Variants in SPMIP2 observed in about 807,000 individuals in gnomAD.
SPMIP2 encodes protein SPMIP2.
the SPMIP2 span, among the ~76,000 whole-genome samples, chr4:158,936,789 T>C: frequency 6.6e-6 from 1 of 152,214 alleles, no homozygotes; most frequent in Non-Finnish European, 1.5e-5. Flanking sequence ...TTTAATCATA[T>C]TTTCCTCGCT....
chr4:159,018,416 C>A, the SPMIP2 span, among the ~76,000 whole-genome samples: 1 of 152,170 alleles, frequency 6.6e-6, no homozygotes. Context: ...TGACACAGTA[C>A]GAACCTGCCA....
the SPMIP2 span, among the ~76,000 whole-genome samples, chr4:159,071,917 G>C: frequency 1.3e-5 from 2 of 152,208 alleles, no homozygotes; most frequent in Non-Finnish European, 2.9e-5. Context: ...AGACCTGCAA[G>C]GTCCTGCTAG....
the SPMIP2 span, among the ~76,000 whole-genome samples, chr4:158,958,533 A>C: frequency 1.3e-5 from 2 of 152,222 alleles, no homozygotes; most frequent in Non-Finnish European, 2.9e-5. Flanking sequence ...TGGCTGGTTC[A>C]CCATGATGGC....
chr4:159,022,988 C>T, the SPMIP2 span, among the ~76,000 whole-genome samples: 1 of 151,584 alleles, frequency 6.6e-6, no homozygotes, highest in African/African-American at 2.4e-5. Flanking sequence ...CGAGATCATG[C>T]CACAACACTC....
chr4:158,973,012 G>T, the SPMIP2 span: 1 of 1,055,860 alleles, frequency 9.5e-7, no homozygotes, highest in Non-Finnish European at 1.4e-6. Context: ...TCCTTTGGAA[G>T]CAAATTCATA....
chr4:158,982,038 A>G, the SPMIP2 span, among the ~76,000 whole-genome samples: 1 of 151,530 alleles, frequency 6.6e-6, no homozygotes, highest in African/African-American at 2.4e-5. Context: ...GAATATTTAC[A>G]AAGTGGAAAC....
chr4:159,058,212 TGTTA>T, the SPMIP2 span, among the ~76,000 whole-genome samples: 2 of 151,530 alleles, frequency 1.3e-5, no homozygotes, highest in Non-Finnish European at 2.9e-5. Context: ...TTAAAATTCT[TGTTA>T]CGGTTGTTTT....
At chr4:158,896,841 GTTTT>G in the SPMIP2 span, among the ~76,000 whole-genome samples, 2 of 144,854 alleles carry the variant, frequency 1.4e-5, no homozygotes, top group Non-Finnish European at 3.0e-5. Flanking sequence ...TGCCTTATTA[GTTTT>G]TTTTTTATTA....
the SPMIP2 span, among the ~76,000 whole-genome samples, chr4:158,913,889 C>T: frequency 6.6e-6 from 1 of 150,864 alleles, no homozygotes; most frequent in African/African-American, 2.4e-5. Context: ...GGCATCATGT[C>T]TGCAACTTGC....
the SPMIP2 span, among the ~76,000 whole-genome samples, chr4:159,037,825 C>T: frequency 0.05 from 5,136 of 101,980 alleles, 105 homozygotes; most frequent in East Asian, 0.071. Flanking sequence ...CACACACACA[C>T]ACATATATAT....
At chr4:159,018,027 T>C in the SPMIP2 span, among the ~76,000 whole-genome samples, 3 of 152,286 alleles carry the variant, frequency 2.0e-5, no homozygotes, top group African/African-American at 7.2e-5. Context: ...CCCATGAGGA[T>C]TAGTGGAACC....
At chr4:159,071,266 T>C in the SPMIP2 span, among the ~76,000 whole-genome samples, 2 of 152,152 alleles carry the variant, frequency 1.3e-5, no homozygotes, top group Non-Finnish European at 2.9e-5. Context: ...GTTGTTAGAA[T>C]AATATACAGG....
the SPMIP2 span, among the ~76,000 whole-genome samples, chr4:159,011,147 G>C: frequency 6.6e-6 from 1 of 152,110 alleles, no homozygotes; most frequent in Admixed American, 6.5e-5. Context: ...GTTAAATATT[G>C]ACTTTCACTT....
chr4:159,009,992 C>CA, the SPMIP2 span, among the ~76,000 whole-genome samples: 7 of 151,754 alleles, frequency 4.6e-5, no homozygotes, highest in East Asian at 1.9e-4. Context: ...GACTTTGTCA[C>CA]AAAAAAACAA....
the SPMIP2 span, among the ~76,000 whole-genome samples, chr4:159,009,498 G>C: frequency 2.0e-5 from 3 of 152,192 alleles, no homozygotes; most frequent in African/African-American, 4.8e-5. Flanking sequence ...ACCAAGACTA[G>C]CAATGTTGGC....
chr4:158,914,649 C>T, the SPMIP2 span, among the ~76,000 whole-genome samples: 1 of 152,136 alleles, frequency 6.6e-6, no homozygotes, highest in Non-Finnish European at 1.5e-5. Flanking sequence ...TATATACTTC[C>T]ACATTCTTTA....
At chr4:159,007,350 T>C in the SPMIP2 span, 1 of 697,996 alleles carries the variant, frequency 1.4e-6, no homozygotes, top group South Asian at 1.3e-5. Context: ...GATGATGAGA[T>C]GGAAACAGAT....
chr4:158,990,616 C>T, the SPMIP2 span, among the ~76,000 whole-genome samples: 2 of 152,144 alleles, frequency 1.3e-5, no homozygotes, highest in African/African-American at 4.8e-5. Flanking sequence ...CCATCATCCT[C>T]AGCAAACTAA....
chr4:159,007,748 CT>C, the SPMIP2 span: 1 of 629,908 alleles, frequency 1.6e-6, no homozygotes, highest in Non-Finnish European at 3.0e-6. Context: ...ACTTCGGGGC[CT>C]TCTACGCTGA....
Sources: allele counts gnomAD v4.1 joint callset (sites outside exome capture counted in the v4.1 genomes callset), GRCh38; gene constraint gnomAD v4.1.1; transcripts MANE v1.5; gene names NCBI Gene and HGNC (gene_info 2026-07-23, HGNC 2026-07-21).